The following ZDHHC21 variants were observed in gnomAD, a reference collection of about 807,000 sequenced individuals.
ZDHHC21 encodes palmitoyltransferase ZDHHC21.
A neutral mutation model predicts 34.6 loss-of-function variants in ZDHHC21; 15 were observed. That is an observed-to-expected ratio of 0.43 (90% CI 0.29 to 0.67). The LOEUF (loss-of-function observed/expected upper bound fraction) is 0.67, where lower values mean the gene tolerates loss of function less well. Among genes scored for constraint, ZDHHC21 ranks in the 30% least tolerant of loss-of-function variants. ZDHHC21 has a pLI of 0.14. For synonymous variants in ZDHHC21, 142 were observed against 101.8 expected (o/e 1.40, Z -2.38); for missense variants, 344 against 327.7 (o/e 1.05, Z -0.38).
At chr9:14,687,636 G>A (rs1044093176) in intron 2 of ZDHHC21, among the ~76,000 whole-genome samples, 4 of 150,874 alleles carry the variant, frequency 2.7e-5, no homozygotes, top group African/African-American at 7.5e-5. Flanking sequence ...AGAAATCATC[G>A]TGCCACTGCA....
intron 7 of ZDHHC21, among the ~76,000 whole-genome samples, chr9:14,649,915 G>C (rs1037794801): frequency 1.3e-5 from 2 of 151,992 alleles, no homozygotes; most frequent in African/African-American, 4.8e-5. Context: ...ACAGTGTTTG[G>C]TAAAAGTAAA....
chr9:14,588,825 G>GT, the ZDHHC21 span: 1 of 152,114 alleles, frequency 6.6e-6, no homozygotes, highest in Non-Finnish European at 1.5e-5. Context: ...TTTATTTCAT[G>GT]TAACAGAAGC....
the ZDHHC21 span, among the ~76,000 whole-genome samples, chr9:14,602,586 G>C: frequency 1.3e-5 from 2 of 151,970 alleles, no homozygotes; most frequent in Admixed American, 6.6e-5. Flanking sequence ...TCTAAAAGCA[G>C]CAAGAGAAGA....
intron 5 of ZDHHC21, among the ~76,000 whole-genome samples, chr9:14,662,734 T>C (rs1345448419): frequency 6.6e-6 from 1 of 152,152 alleles, no homozygotes; most frequent in Non-Finnish European, 1.5e-5. Context: ...AAAGAAGAAA[T>C]AATGCTGACC....
chr9:14,662,158 A>G (rs1460558974), intron 6 of ZDHHC21, 57 bp downstream of exon 6: 1 of 1,291,010 alleles, frequency 7.7e-7, no homozygotes, highest in Non-Finnish European at 1.1e-6. Context: ...CCAAGTTGTA[A>G]GATTTACATT....
Position 14,611,586 on chromosome 9 carries a change from C to A in ZDHHC21, c.*7380G>T, listed in dbSNP as rs1258797314. 6.6e-6 allele frequency: 1 copy of A among 152,014 alleles called. No homozygotes were observed. The highest frequency in any genetic ancestry group is 1.5e-5 in the Non-Finnish European group (1 of 67,952). The allele number at this position is 152,014 out of a possible 1,614,324, so 9.4% of individuals were successfully genotyped here. A position where few individuals can be genotyped will look rare whatever the true frequency, so the allele number is the denominator to read the frequency against. On this transcript the variant is annotated 3_prime_UTR_variant, in exon 10 of 10. Transcript: ENST00000380916. Reference sequence around the variant, plus strand: ...TTCTTATGCCACTTGTAACATACCACTATTAAAAGCATTTTAGGGATATAA... The same window carrying A: ...TTCTTATGCCACTTGTAACATACCAATATTAAAAGCATTTTAGGGATATAA...
At chr9:14,668,007 T>G (rs11535386) in intron 5 of ZDHHC21, among the ~76,000 whole-genome samples, 15,667 of 56,912 alleles carry the variant, frequency 0.28, 1,787 homozygotes, top group Non-Finnish European at 0.29. Flanking sequence ...CCAGGGCAAT[T>G]AGGCAGGAGA....
intron 7 of ZDHHC21, among the ~76,000 whole-genome samples, chr9:14,642,862 A>G (rs557312640): frequency 7.9e-4 from 121 of 152,330 alleles, no homozygotes; most frequent in African/African-American, 2.7e-3. Flanking sequence ...GTATTTCTTT[A>G]TTGTTTACAT....
rs1198756143 is a variant in ZDHHC21, at chr9:14,672,177, A to C, written c.253+653T>G. 2.0e-5 allele frequency among the ~76,000 whole-genome samples: 3 copies of C among 152,228 alleles called. No individual in the cohort carries two copies. The East Asian group carries it at 5.8e-4, about 29-fold the overall frequency. On this transcript the variant is annotated intron_variant, in intron 5 of 9. Transcript: ENST00000380916. The stretch of plus-strand genomic sequence containing the variant: ...ATAAAAAAATAGTTAAAATCACCAA[A>C]GTATTAGGACTTCAAGATCCCTTTT...
chr9:14,678,929 GC>G lies in ZDHHC21; in HGVS notation c.-46+1103del, dbSNP rs1414414174. Among the ~76,000 whole-genome samples the G allele has an allele frequency of 2.0e-5, 3 of 151,962 alleles. No homozygotes were observed. In the East Asian group the frequency reaches 5.8e-4, roughly 29 times the overall value. On this transcript the variant is annotated intron_variant, in intron 3 of 9. Coordinates refer to ENST00000380916, the MANE Select transcript of ZDHHC21 (RefSeq NM_178566.6). ...TGAGTGAATAAAGCAAGTGATATAG[GC>G]AAAATCCATTAGGAGTGGAGAGGGA...
chr9:14,679,158 G>A (rs889264736), intron 3 of ZDHHC21, among the ~76,000 whole-genome samples: 1 of 152,072 alleles, frequency 6.6e-6, no homozygotes, highest in Non-Finnish European at 1.5e-5. Flanking sequence ...TTAAGAATCT[G>A]TAAACCAATA....
intron 5 of ZDHHC21, among the ~76,000 whole-genome samples, chr9:14,665,543 T>C (rs140083671): frequency 0.17 from 25,085 of 151,582 alleles, 2,242 homozygotes; most frequent in South Asian, 0.34. Flanking sequence ...AGACACATAA[T>C]TGTCAGATTC....
intron 5 of ZDHHC21, among the ~76,000 whole-genome samples, chr9:14,663,201 T>A (rs1481790461): frequency 2.6e-5 from 4 of 152,194 alleles, no homozygotes; most frequent in Non-Finnish European, 5.9e-5. Flanking sequence ...AAATGTATCT[T>A]TTAAATATAT....
chr9:14,687,439 G>A (rs1370502421), intron 2 of ZDHHC21, among the ~76,000 whole-genome samples: 6 of 150,798 alleles, frequency 4.0e-5, no homozygotes, highest in Non-Finnish European at 7.3e-5. Context: ...AGGAGGCCAA[G>A]GTGGGCAGAT....
intron 8 of ZDHHC21, among the ~76,000 whole-genome samples, chr9:14,627,421 T>A (rs983806490): frequency 6.6e-5 from 10 of 152,198 alleles, no homozygotes; most frequent in African/African-American, 2.4e-4. Context: ...TGATTTAAGC[T>A]ATCTTCAGCA....
chr9:14,611,073 C>T lies in ZDHHC21; in HGVS notation c.*7893G>A, dbSNP rs922170240. ...AGGTAAGAGGATAAAAACAGTCCTA[C>T]GTTTTTAAAAAATATTTATTTAAAA... On this transcript the variant is annotated 3_prime_UTR_variant, in exon 10 of 10. Coordinates refer to ENST00000380916, the MANE Select transcript of ZDHHC21 (RefSeq NM_178566.6). The T allele has an allele frequency of 7.2e-5, 11 of 151,748 alleles. No individual in the cohort carries two copies. The South Asian group carries it at 1.2e-3, about 17-fold the overall frequency. The allele number at this position is 151,748 out of a possible 1,614,324, so 9.4% of individuals were successfully genotyped here.
At chr9:14,653,154 G>A (rs147874934) in intron 7 of ZDHHC21, among the ~76,000 whole-genome samples, 1 of 151,786 alleles carries the variant, frequency 6.6e-6, no homozygotes, top group Non-Finnish European at 1.5e-5. Flanking sequence ...ATAATAGAAA[G>A]GATAATAAGA....
chr9:14,669,499 C>G (rs1289095354), intron 5 of ZDHHC21, among the ~76,000 whole-genome samples: 1 of 151,558 alleles, frequency 6.6e-6, no homozygotes, highest in Non-Finnish European at 1.5e-5. Flanking sequence ...CATCCCATTA[C>G]TGGGTATATA....
chr9:14,692,632 C>G (rs1463817005), intron 1 of ZDHHC21, among the ~76,000 whole-genome samples: 1 of 152,170 alleles, frequency 6.6e-6, no homozygotes, highest in East Asian at 1.9e-4. Context: ...AATCCAGCGA[C>G]CTGTTACAGT....
Sources: gnomAD v4.1 joint callset for allele counts (sites outside exome capture counted in the v4.1 genomes callset) on GRCh38, gnomAD v4.1.1 for gene constraint, MANE v1.5 for transcripts, NCBI Gene and HGNC (gene_info 2026-07-23, HGNC 2026-07-21) for gene names.